TXNL1: variants seen among roughly 807,000 people sequenced by gnomAD.
The protein encoded by TXNL1 is thioredoxin like 1.
Under a neutral mutation model 35.5 loss-of-function variants are expected in TXNL1, and 14 were observed. The observed-to-expected ratio is 0.39, with a 90% CI of 0.26 to 0.62. TXNL1 has a LOEUF of 0.62. Ranked by LOEUF, TXNL1 falls within the 20% of genes least tolerant of loss-of-function variation. The probability of loss-of-function intolerance (pLI) is 0.47; values close to 1 mark genes in which losing one functional copy is unlikely to be tolerated. For synonymous variants in TXNL1, 110 were observed against 115.5 expected (o/e 0.95, Z 0.31); for missense variants, 263 against 349.7 (o/e 0.75, Z 1.98).
Position 56,616,314 on chromosome 18 carries a change from G to A in TXNL1, c.493C>T (p.Leu165=). 1 of 1,613,266 alleles carries A rather than the reference G, an allele frequency of 6.2e-7. No individual in the cohort carries two copies. The change falls in exon 5 of 8, where the codon CTG becomes TTG. Residue 165 remains leucine (L), a splice_region_variant and synonymous_variant. Coordinates refer to ENST00000217515, the MANE Select transcript of TXNL1 (RefSeq NM_004786.3). The part of the protein sequence containing the change: ...TFLESDCDEQ[L]LITVAFNQPV... The stretch of plus-strand genomic sequence containing the variant: ...TGATTGAATGCCACAGTAATAAGCA[G>A]CTGTGAAGATAAGAGTTTCATTTTA...
In TXNL1 at chr18:56,609,610, G is replaced by C. The variant is rs1443484382; in HGVS notation, c.840+1383C>G. The C allele has an allele frequency of 3.3e-5, 5 of 152,140 alleles. No individual in the cohort carries two copies. The East Asian group carries it at 9.6e-4, about 29-fold the overall frequency. 9.4% of individuals were successfully genotyped at this position (152,140 alleles called of 1,614,324 possible). On this transcript the variant is annotated intron_variant, in intron 7 of 7. Coordinates refer to ENST00000217515, the MANE Select transcript of TXNL1 (RefSeq NM_004786.3). Reference sequence around the variant, plus strand: ...AGAAAATAATAAGATAATAGTAATAGATCTTATAAAAAACTAAGTTAAGAA... The same window carrying C: ...AGAAAATAATAAGATAATAGTAATACATCTTATAAAAAACTAAGTTAAGAA...
At position 56,602,708 on chromosome 18, in the gene TXNL1, A is replaced by AG; in HGVS notation, c.*318dup. 1 of 394,744 alleles carries AG rather than the reference A, an allele frequency of 2.5e-6. No homozygotes were observed. Among genetic ancestry groups the AG allele is most frequent in the Non-Finnish European group, 4.5e-6 (1 of 221,122 alleles). 24.5% of individuals were successfully genotyped at this position (394,744 alleles called of 1,614,324 possible). A position where few individuals can be genotyped will look rare whatever the true frequency, so the allele number is the denominator to read the frequency against. On this transcript the variant is annotated 3_prime_UTR_variant, in exon 8 of 8. Coordinates refer to ENST00000217515, the MANE Select transcript of TXNL1 (RefSeq NM_004786.3). ...CCTAGAACAGTTTCTCCTTTTCTAA[A>AG]GAAACTGGCTTTCAATCAATATACT... is the stretch of plus-strand genomic sequence containing the variant.
chr18:56,614,944 C>A (rs1045531512), intron 5 of TXNL1, among the ~76,000 whole-genome samples: 1 of 152,052 alleles, frequency 6.6e-6, no homozygotes, highest in Non-Finnish European at 1.5e-5. Context: ...AGGAAGGTGA[C>A]AATAGATTCT....
Position 56,636,876 on chromosome 18 carries a change from C to T in TXNL1, c.98+1467G>A, listed in dbSNP as rs550996928. Among the ~76,000 whole-genome samples, 5 of 152,278 alleles carry T rather than the reference C, an allele frequency of 3.3e-5. No homozygotes were observed. The South Asian group carries it at 8.3e-4, about 25-fold the overall frequency. ...AGGTTCCTTATTGAAATCCTATCTT[C>T]CCTTTTCTACTGTGGCCTAGATACT... On this transcript the variant is annotated intron_variant, in intron 1 of 7. Coordinates refer to ENST00000217515, the MANE Select transcript of TXNL1 (RefSeq NM_004786.3).
At chr18:56,632,645 A>G (rs976927434) in intron 1 of TXNL1, among the ~76,000 whole-genome samples, 5 of 152,242 alleles carry the variant, frequency 3.3e-5, no homozygotes, top group Admixed American at 1.3e-4. Context: ...GACAAACTAC[A>G]TAACTGTATG....
chr18:56,635,957 A>T (rs1273656574), intron 1 of TXNL1, among the ~76,000 whole-genome samples: 1 of 152,202 alleles, frequency 6.6e-6, no homozygotes, highest in Admixed American at 6.5e-5. Flanking sequence ...TTGTTTAGAA[A>T]ATAATGACAA....
In TXNL1 at chr18:56,616,262, A is replaced by T; in HGVS notation, c.545T>A (p.Phe182Tyr). 1 of 1,613,792 alleles carries T rather than the reference A, an allele frequency of 6.2e-7. No individual in the cohort carries two copies. Among genetic ancestry groups the T allele is most frequent in the Non-Finnish European group, 8.5e-7 (1 of 1,179,880 alleles). ...NQPVKLYSMK[F>Y]QGPDNGQGPK... Reference sequence around the variant, plus strand: ...TTACTCACCATTATCTGGCCCTTGAAATTTCATGGAATAAAGCTTAACAGG... The same window carrying T: ...TTACTCACCATTATCTGGCCCTTGATATTTCATGGAATAAAGCTTAACAGG... The change falls in exon 5 of 8, where the codon TTT becomes TAT. Residue 182 changes from phenylalanine to tyrosine, a missense_variant. Transcript: ENST00000217515.
At chr18:56,615,274 A>T (rs1305778305) in intron 5 of TXNL1, among the ~76,000 whole-genome samples, 1 of 151,948 alleles carries the variant, frequency 6.6e-6, no homozygotes, top group Non-Finnish European at 1.5e-5. Flanking sequence ...ATACTTTGTA[A>T]TTTCAGAGTA....
At chr18:56,628,280 T>C (rs1325214268) in intron 1 of TXNL1, among the ~76,000 whole-genome samples, 1 of 152,178 alleles carries the variant, frequency 6.6e-6, no homozygotes, top group Admixed American at 6.5e-5. Flanking sequence ...CAAGCTGGTA[T>C]TAACCATTTT....
chr18:56,607,535 T>C (rs1598911355), intron 7 of TXNL1, among the ~76,000 whole-genome samples: 1 of 152,082 alleles, frequency 6.6e-6, no homozygotes, highest in East Asian at 1.9e-4. Context: ...CAGATGCTCC[T>C]CGACTTCCGA....
intron 3 of TXNL1, among the ~76,000 whole-genome samples, chr18:56,620,982 A>T (rs566365591): frequency 1.4e-4 from 22 of 152,216 alleles, no homozygotes. Flanking sequence ...AATTATTCGG[A>T]GCATTATGAA....
intron 6 of TXNL1, among the ~76,000 whole-genome samples, chr18:56,613,569 T>G (rs1472293858): frequency 1.3e-5 from 2 of 152,186 alleles, no homozygotes; most frequent in East Asian, 3.8e-4. Context: ...AACCCAGCAC[T>G]TTGGGAGGCT....
At chr18:56,628,511 T>C (rs1490860993) in intron 1 of TXNL1, among the ~76,000 whole-genome samples, 3 of 152,188 alleles carry the variant, frequency 2.0e-5, no homozygotes, top group East Asian at 3.8e-4. Context: ...ATAACTGGTA[T>C]AAAACCTCTT....
At chr18:56,635,403 T>C (rs988128625) in intron 1 of TXNL1, among the ~76,000 whole-genome samples, 1 of 152,192 alleles carries the variant, frequency 6.6e-6, no homozygotes, top group East Asian at 1.9e-4. Context: ...ATTTGCCATA[T>C]AAATAAATGG....
At chr18:56,604,111 T>C (rs182982886) in intron 7 of TXNL1, among the ~76,000 whole-genome samples, 2 of 152,266 alleles carry the variant, frequency 1.3e-5, no homozygotes, top group Admixed American at 1.3e-4. Flanking sequence ...AACTCACTTC[T>C]AGTACCTTAA....
intron 6 of TXNL1, among the ~76,000 whole-genome samples, chr18:56,611,475 C>G (rs1192861120): frequency 6.6e-6 from 1 of 150,468 alleles, no homozygotes; most frequent in Non-Finnish European, 1.5e-5. Context: ...GCACTCCAGC[C>G]CGGGCAACAA....
intron 1 of TXNL1, among the ~76,000 whole-genome samples, chr18:56,630,267 C>G: frequency 6.6e-6 from 1 of 151,262 alleles, no homozygotes. Context: ...GCATGTGGCT[C>G]AGAGCTGGAA....
At chr18:56,632,645 A>T (rs976927434) in intron 1 of TXNL1, among the ~76,000 whole-genome samples, 3 of 152,242 alleles carry the variant, frequency 2.0e-5, no homozygotes, top group Non-Finnish European at 4.4e-5. Context: ...GACAAACTAC[A>T]TAACTGTATG....
chr18:56,615,471 G>GC lies in TXNL1; in HGVS notation c.562+773_562+774insG, dbSNP rs1301087121. 3.1e-4 allele frequency among the ~76,000 whole-genome samples: 5 copies of GC among 16,372 alleles called. No individual in the cohort carries two copies. In the South Asian group the frequency reaches 0.02, roughly 65 times the overall value. 10.7% of individuals were successfully genotyped at this position (16,372 alleles called of 152,430 possible). A position where few individuals can be genotyped will look rare whatever the true frequency, so the allele number is the denominator to read the frequency against. On this transcript the variant is annotated intron_variant, in intron 5 of 7. Coordinates refer to ENST00000217515, the MANE Select transcript of TXNL1 (RefSeq NM_004786.3). ...AAAGCTTAACAGAAAAAGAAAAAAT[G>GC]GGGGGGGGCAAAAAAGGAAAATTCT...
Sources: allele counts gnomAD v4.1 joint callset (sites outside exome capture counted in the v4.1 genomes callset), GRCh38; gene constraint gnomAD v4.1.1; transcripts MANE v1.5; gene names NCBI Gene and HGNC (gene_info 2026-07-23, HGNC 2026-07-21).